The following NUP155 variants were observed in gnomAD, a reference collection of about 807,000 sequenced individuals.
NUP155 encodes the protein nuclear pore complex protein Nup155.
NUP155 carries 71 observed loss-of-function variants against 180.4 expected under a neutral mutation model. The observed-to-expected ratio is 0.39, with a 90% confidence interval of 0.33 to 0.48. The LOEUF (loss-of-function observed/expected upper bound fraction) is 0.48, where lower values mean the gene tolerates loss of function less well. NUP155 is among the 20% of genes least tolerant of loss of function. NUP155 has a pLI of 0.91. For synonymous variants in NUP155, 582 were observed against 559.5 expected, an observed-to-expected ratio of 1.04 and a Z score of -0.57; for missense variants, 1,553 against 1,648.9, an observed-to-expected ratio of 0.94 and a Z score of 1.01.
chr5:37,369,232 C>G (rs1016017254), intron 1 of NUP155, among the ~76,000 whole-genome samples: 4 of 151,870 alleles, frequency 2.6e-5, no homozygotes, highest in East Asian at 1.9e-4. Context: ...AGCCTGGTAA[C>G]AGAACTAGAC....
intron 32 of NUP155, among the ~76,000 whole-genome samples, chr5:37,294,767 T>C (rs1458938000): frequency 6.6e-6 from 1 of 152,136 alleles, no homozygotes; most frequent in Non-Finnish European, 1.5e-5. Flanking sequence ...AAAAAGTTTT[T>C]TTTAAATAAA....
intron 30 of NUP155, among the ~76,000 whole-genome samples, chr5:37,300,704 T>C (rs933194101): frequency 6.6e-6 from 1 of 152,092 alleles, no homozygotes; most frequent in Non-Finnish European, 1.5e-5. Flanking sequence ...TCACTCAGGC[T>C]GGAATGCAGT....
chr5:37,348,003 G>A (rs1488556484), intron 9 of NUP155, among the ~76,000 whole-genome samples: 1 of 152,120 alleles, frequency 6.6e-6, no homozygotes, highest in South Asian at 2.1e-4. Flanking sequence ...GCATGGTGGT[G>A]CATGTCCGTA....
At chr5:37,352,139 C>T (rs1298843060) in intron 5 of NUP155, among the ~76,000 whole-genome samples, 13 of 152,032 alleles carry the variant, frequency 8.6e-5, no homozygotes, top group Non-Finnish European at 1.5e-4. Context: ...AGGTGGATCA[C>T]GAGGTCAGGA....
chr5:37,290,744 C>T lies in NUP155; in HGVS notation c.*1156G>A, dbSNP rs746184001. 9.2e-5 allele frequency: 14 copies of T among 152,144 alleles called. No homozygotes were observed. The highest frequency in any genetic ancestry group is 1.3e-4 in the Non-Finnish European group (9 of 68,028). The allele number at this position is 152,144 out of a possible 1,614,324, so 9.4% of individuals were successfully genotyped here. A position where few individuals can be genotyped will look rare whatever the true frequency, so the allele number is the denominator to read the frequency against. ...TGGAAGGTAGCAGTATCCTTTACTG[C>T]AGTGGCTTTCAAATTTGACATGCAC... On this transcript the variant is annotated 3_prime_UTR_variant, in exon 35 of 35. Coordinates refer to ENST00000231498, the MANE Select transcript of NUP155 (RefSeq NM_153485.3).
intron 12 of NUP155, 68 bp from the exon 13 acceptor site, chr5:37,333,701 G>A: frequency 1.8e-6 from 2 of 1,137,834 alleles, no homozygotes; most frequent in Non-Finnish European, 2.6e-6. Context: ...AAAAACTACA[G>A]ACTTAATAAA....
rs781122187 is a variant in NUP155, at chr5:37,333,644, G to T, written c.1348-11C>A. 10 of 1,607,486 alleles carry T rather than the reference G, an allele frequency of 6.2e-6. No individual in the cohort carries two copies. Among genetic ancestry groups the T allele is most frequent in the Non-Finnish European group, 8.5e-6 (10 of 1,175,344 alleles). ...AACACCAGCTGTCATCTATGTAAAAGAAATAAATGTTTTATACATCATATT... is the reference window on the plus strand; with the variant it reads ...AACACCAGCTGTCATCTATGTAAAATAAATAAATGTTTTATACATCATATT... On this transcript the variant is annotated splice_polypyrimidine_tract_variant and intron_variant, in intron 12 of 34. Coordinates refer to ENST00000231498, the MANE Select transcript of NUP155 (RefSeq NM_153485.3).
rs1203194687 is a variant in NUP155 at position 37,301,516 on chromosome 5, A to T, written c.3482T>A (p.Leu1161Gln). 1.2e-6 allele frequency: 2 copies of T among 1,613,554 alleles called. No individual in the cohort carries two copies. Among genetic ancestry groups the T allele is most frequent in the Non-Finnish European group, 1.7e-6 (2 of 1,179,498 alleles). ...ARIQLQIQETLQRQYSHHSSV... is the reference protein window; with the variant it reads ...ARIQLQIQETQQRQYSHHSSV... ...AGAATGATGGGAATACTGCCTTTGT[A>T]GTGTCTCCTGTATCTGAAGTTGGAT... Residue 1161 changes from leucine (L) to glutamine (Q), a missense_variant, in exon 30 of 35, where the codon CTA becomes CAA. Physicochemically the swap from Leu to Gln is moderately radical, Grantham distance 113. Coordinates refer to ENST00000231498, the MANE Select transcript of NUP155 (RefSeq NM_153485.3).
chr5:37,351,449 A>AT, intron 5 of NUP155, 93 bp from the exon 6 acceptor site: 1 of 964,046 alleles, frequency 1.0e-6, no homozygotes. Flanking sequence ...TGTTTACTCA[A>AT]TTCTTTTTTT....
At chr5:37,299,618 G>A (rs1373717980) in intron 30 of NUP155, 50 bp from the exon 31 acceptor site, 3 of 1,574,506 alleles carry the variant, frequency 1.9e-6, no homozygotes, top group Non-Finnish European at 2.6e-6. Context: ...TCAACATTCA[G>A]AGATTAATAG....
intron 28 of NUP155, 50 bp from the exon 29 acceptor site, chr5:37,302,958 T>G (rs1226827720): frequency 2.5e-6 from 4 of 1,590,386 alleles, no homozygotes; most frequent in Admixed American, 1.7e-5. Flanking sequence ...TAAGGATTGA[T>G]GATACAAATA....
intron 1 of NUP155, among the ~76,000 whole-genome samples, chr5:37,365,024 G>A (rs1465431933): frequency 6.6e-6 from 1 of 151,912 alleles, no homozygotes; most frequent in Non-Finnish European, 1.5e-5. Flanking sequence ...AGCACTTTGG[G>A]AGGCCGAGGT....
chr5:37,323,841 G>C (rs1561784486), intron 20 of NUP155, 151 bp downstream of exon 20: 4 of 622,130 alleles, frequency 6.4e-6, no homozygotes, highest in Non-Finnish European at 1.2e-5. Context: ...TCTAAAATTA[G>C]ATAGTGGTGA....
At position 37,347,821 on chromosome 5, in the gene NUP155, C is replaced by T. The variant is rs180719573; in HGVS notation, c.995+684G>A. Among the ~76,000 whole-genome samples, 1,114 of 151,438 alleles carry T rather than the reference C, an allele frequency of 7.4e-3. 18 individuals carry two copies. Among genetic ancestry groups the T allele is most frequent in the African/African-American group, 0.025 (1,046 of 41,286 alleles). ...TTAGAGACCAGCCTGGCCAACATGG[C>T]GAAACCCAATCTCTACTAAAAATAC... On this transcript the variant is annotated intron_variant, in intron 9 of 34. Transcript: ENST00000231498.
rs755278532 is a variant in NUP155, at chr5:37,370,967, G to C, written c.11C>G (p.Ser4Cys). 1.2e-6 allele frequency: 2 copies of C among 1,613,940 alleles called. No homozygotes were observed. Among genetic ancestry groups the C allele is most frequent in the East Asian group, 2.2e-5 (1 of 44,884 alleles). ...GGCCGGCATCGCCGCGCCCAACAAA[G>C]AAGACGGCATCTCGGAAATCGTAGA... is the stretch of plus-strand genomic sequence containing the variant. MPS[S>C]LLGAAMPAST... Residue 4 changes from serine (S) to cysteine (C), a missense_variant, in exon 1 of 35, where the codon TCT (serine) becomes TGT (cysteine). Ser to Cys is a moderately radical substitution (Grantham distance 112). Coordinates refer to ENST00000231498, the MANE Select transcript of NUP155 (RefSeq NM_153485.3).
At chr5:37,294,594 G>T in intron 32 of NUP155, 129 bp from the exon 33 acceptor site, 5 of 927,248 alleles carry the variant, frequency 5.4e-6, no homozygotes, top group Non-Finnish European at 8.3e-6. Flanking sequence ...TTTGGGGCGG[G>T]GGGTTTTTTT....
At chr5:37,330,377 C>T (rs913024970) in intron 14 of NUP155, among the ~76,000 whole-genome samples, 3 of 152,134 alleles carry the variant, frequency 2.0e-5, no homozygotes, top group Non-Finnish European at 4.4e-5. Context: ...ACTTAGTTTC[C>T]GGCTTATGTC....
chr5:37,327,546 G>A, intron 18 of NUP155, 83 bp downstream of exon 18: 4 of 1,478,712 alleles, frequency 2.7e-6, no homozygotes, highest in South Asian at 1.1e-5. Context: ...AATAAATGAT[G>A]TCCCAAATTC....
chr5:37,314,181 A>T lies in NUP155; in HGVS notation c.2436+17T>A. On this transcript the variant is annotated intron_variant, in intron 22 of 34. Coordinates refer to ENST00000231498, the MANE Select transcript of NUP155 (RefSeq NM_153485.3). ...ATAGTATTAATGGTATAATCATAAA[A>T]AAATAAAAAAAATTACCTTCTGAAG... The T allele has an allele frequency of 6.3e-7, 1 of 1,580,842 alleles. No individual in the cohort carries two copies. The highest frequency in any genetic ancestry group is 8.7e-7 in the Non-Finnish European group (1 of 1,152,766).
Sources: gnomAD v4.1 joint callset for allele counts (sites outside exome capture counted in the v4.1 genomes callset) on GRCh38, gnomAD v4.1.1 for gene constraint, MANE v1.5 for transcripts, NCBI Gene and HGNC (gene_info 2026-07-23, HGNC 2026-07-21) for gene names.